The following SCHIP1 variants were observed in gnomAD, a reference collection of about 807,000 sequenced individuals.
SCHIP1 encodes the protein schwannomin interacting protein 1, also known as schwannomin-interacting protein 1.
SCHIP1 carries 8 observed loss-of-function variants against 29.7 expected under a neutral mutation model. The observed-to-expected ratio is 0.27, with a 90% CI of 0.16 to 0.49. The LOEUF is 0.49. Among genes scored for constraint, SCHIP1 ranks in the 20% least tolerant of loss-of-function variants. The probability of loss-of-function intolerance (pLI) is 0.99; values close to 1 mark genes in which losing one functional copy is unlikely to be tolerated. For synonymous variants in SCHIP1, 76 were observed against 94.9 expected (o/e 0.80, Z 1.16); for missense variants, 193 against 294.6 (o/e 0.66, Z 2.52).
the SCHIP1 span, among the ~76,000 whole-genome samples, chr3:159,565,838 TACA>T: frequency 6.6e-6 from 1 of 152,336 alleles, no homozygotes; most frequent in South Asian, 2.1e-4. Context: ...GCATGTAATG[TACA>T]ACATTTATAT....
At chr3:159,584,098 C>T in the SCHIP1 span, among the ~76,000 whole-genome samples, 1 of 152,170 alleles carries the variant, frequency 6.6e-6, no homozygotes, top group Admixed American at 6.6e-5. Flanking sequence ...TTAATATTCT[C>T]CCCACTATCT....
chr3:159,609,833 G>A, the SCHIP1 span, among the ~76,000 whole-genome samples: 3 of 151,874 alleles, frequency 2.0e-5, no homozygotes, highest in Non-Finnish European at 4.4e-5. Flanking sequence ...TTACATTCTG[G>A]AATTTAGAAT....
At chr3:159,486,486 A>G in the SCHIP1 span, among the ~76,000 whole-genome samples, 1 of 152,130 alleles carries the variant, frequency 6.6e-6, no homozygotes, top group African/African-American at 2.4e-5. Flanking sequence ...TTTAAGATTA[A>G]TATTTCACTG....
At chr3:159,423,084 G>A in the SCHIP1 span, among the ~76,000 whole-genome samples, 2 of 152,338 alleles carry the variant, frequency 1.3e-5, no homozygotes, top group South Asian at 2.1e-4. Flanking sequence ...GAGCCAAGAT[G>A]GCCGAATAGG....
the SCHIP1 span, among the ~76,000 whole-genome samples, chr3:159,386,528 G>A: frequency 3.3e-5 from 5 of 151,966 alleles, no homozygotes; most frequent in Non-Finnish European, 7.4e-5. Context: ...TTTCTTCACA[G>A]TATTGAAAAA....
chr3:159,398,606 G>C, the SCHIP1 span, among the ~76,000 whole-genome samples: 2 of 152,196 alleles, frequency 1.3e-5, no homozygotes, highest in African/African-American at 4.8e-5. Context: ...GTTCTTTGCA[G>C]GTGATTTGAT....
chr3:159,315,070 T>C, the SCHIP1 span, among the ~76,000 whole-genome samples: 1 of 152,206 alleles, frequency 6.6e-6, no homozygotes, highest in African/African-American at 2.4e-5. Flanking sequence ...TAGGTTTTAG[T>C]AGCTATTGCG....
the SCHIP1 span, among the ~76,000 whole-genome samples, chr3:159,572,667 A>G: frequency 6.6e-6 from 1 of 152,160 alleles, no homozygotes; most frequent in African/African-American, 2.4e-5. Context: ...ATTCCTGGAT[A>G]TCCGTGTTAA....
chr3:159,879,395 C>T (rs1716210965), intron 2 of SCHIP1, among the ~76,000 whole-genome samples: 6 of 151,952 alleles, frequency 3.9e-5, no homozygotes, highest in Admixed American at 3.3e-4. Flanking sequence ...TGTAATTTAA[C>T]CTCTCTGAGC....
the SCHIP1 span, among the ~76,000 whole-genome samples, chr3:159,725,287 T>A: frequency 6.7e-6 from 1 of 150,118 alleles, no homozygotes; most frequent in East Asian, 1.9e-4. Flanking sequence ...TTTTTTTTTT[T>A]AAGACAGAAT....
the SCHIP1 span, among the ~76,000 whole-genome samples, chr3:159,585,141 T>C: frequency 6.6e-6 from 1 of 152,000 alleles, no homozygotes; most frequent in African/African-American, 2.4e-5. Flanking sequence ...TGTCACCTCC[T>C]GTATACTAGA....
At chr3:159,377,100 C>T in the SCHIP1 span, among the ~76,000 whole-genome samples, 2 of 152,246 alleles carry the variant, frequency 1.3e-5, no homozygotes, top group South Asian at 4.1e-4. Flanking sequence ...AAAAAGTAGT[C>T]TTGATTGCCA....
chr3:159,821,640 T>G, the SCHIP1 span, among the ~76,000 whole-genome samples: 1 of 152,226 alleles, frequency 6.6e-6, no homozygotes, highest in Non-Finnish European at 1.5e-5. Flanking sequence ...TAGCACAAAT[T>G]TATTTTTCCT....
At chr3:159,732,268 A>G in the SCHIP1 span, among the ~76,000 whole-genome samples, 193 of 152,338 alleles carry the variant, frequency 1.3e-3, 1 homozygote, top group African/African-American at 4.4e-3. Flanking sequence ...TCTTGCCCAA[A>G]CAGGTTCCAA....
At chr3:159,762,201 T>C in the SCHIP1 span, among the ~76,000 whole-genome samples, 1 of 152,178 alleles carries the variant, frequency 6.6e-6, no homozygotes, top group Non-Finnish European at 1.5e-5. Flanking sequence ...TTACAGATGT[T>C]ACCATAAAAG....
the SCHIP1 span, among the ~76,000 whole-genome samples, chr3:159,684,811 AAAAAAAGAAAG>A: frequency 6.6e-6 from 1 of 151,508 alleles, no homozygotes; most frequent in African/African-American, 2.4e-5. Context: ...TGCAAAAAAA[AAAAAAAGAAAG>A]AAAGAAAGAA....
the SCHIP1 span, among the ~76,000 whole-genome samples, chr3:159,607,758 G>T: frequency 6.6e-6 from 1 of 152,154 alleles, no homozygotes; most frequent in African/African-American, 2.4e-5. Flanking sequence ...TGGGACAGAG[G>T]GTTGTGAAGA....
the SCHIP1 span, among the ~76,000 whole-genome samples, chr3:159,433,251 G>A: frequency 5.9e-5 from 9 of 152,242 alleles, no homozygotes; most frequent in South Asian, 2.1e-4. Context: ...AGTGGGAAGC[G>A]TCTTTAAACT....
chr3:159,703,193 C>T, the SCHIP1 span, among the ~76,000 whole-genome samples: 5 of 152,300 alleles, frequency 3.3e-5, no homozygotes, highest in Non-Finnish European at 5.9e-5. Flanking sequence ...CACAAGGAAT[C>T]AAATGATTCA....
Sources: gnomAD v4.1 joint callset for allele counts (sites outside exome capture counted in the v4.1 genomes callset) on GRCh38, gnomAD v4.1.1 for gene constraint, MANE v1.5 for transcripts, NCBI Gene and HGNC (gene_info 2026-07-23, HGNC 2026-07-21) for gene names.